The following LAMA2 variants were observed in gnomAD, a reference collection of about 807,000 sequenced individuals.
The protein encoded by LAMA2 is laminin subunit alpha-2.
LAMA2 carries 269 observed loss-of-function variants against 364.8 expected under a neutral mutation model. The observed-to-expected ratio is 0.74, with a 90% confidence interval of 0.67 to 0.82. The LOEUF (loss-of-function observed/expected upper bound fraction) is 0.82, where lower values mean the gene tolerates loss of function less well. Among genes scored for constraint, LAMA2 ranks in the 40% least tolerant of loss-of-function variants. The probability of loss-of-function intolerance (pLI) is 0.00; values close to 1 mark genes in which losing one functional copy is unlikely to be tolerated. For synonymous variants in LAMA2, 1,379 were observed against 1,370.6 expected (o/e 1.01, Z -0.14); for missense variants, 3,807 against 3,873.2 (o/e 0.98, Z 0.45).
chr6:128,903,039 A>G (rs899544741), intron 1 of LAMA2, among the ~76,000 whole-genome samples: 1 of 152,116 alleles, frequency 6.6e-6, no homozygotes, highest in Non-Finnish European at 1.5e-5. Context: ...TTGTTCTTCT[A>G]TAATAGATTT....
At position 129,503,094 on chromosome 6, in the gene LAMA2, C is replaced by T. The variant is rs770540082; in HGVS notation, c.8361C>T (p.Leu2787=). 1.9e-6 allele frequency: 3 copies of T among 1,613,830 alleles called. No homozygotes were observed. Among genetic ancestry groups the T allele is most frequent in the South Asian group, 2.2e-5 (2 of 91,084 alleles). ...AFDDTKVKNR[L]TIELEVRTEA... is the part of the protein sequence containing the mutation. ...TTTGCATGCTTTTGTTTCACAGTCT[C>T]ACAATTGAGTTGGAAGTAAGAACCG... is the stretch of plus-strand genomic sequence containing the variant. Residue 2787 remains leucine (L), a synonymous_variant, in exon 60 of 65, where the codon CTC becomes CTT. Coordinates refer to ENST00000421865, the MANE Select transcript of LAMA2 (RefSeq NM_000426.4).
rs553501389 is a variant in LAMA2, at chr6:129,013,160, G to C, written c.113-36758G>C. On this transcript the variant is annotated intron_variant, in intron 1 of 64. Coordinates refer to ENST00000421865, the MANE Select transcript of LAMA2 (RefSeq NM_000426.4). ...TATTTAAAAATTTTGAATAGGCTGG[G>C]TGTGGTGGCTCACGCCTGTAATCCC... is the stretch of plus-strand genomic sequence containing the variant. Among the ~76,000 whole-genome samples the C allele has an allele frequency of 3.7e-4, 57 of 152,358 alleles. No homozygotes were observed. The East Asian group carries it at 0.011, about 29-fold the overall frequency.
chr6:129,197,644 A>G (rs1781930560), intron 12 of LAMA2, among the ~76,000 whole-genome samples: 1 of 152,262 alleles, frequency 6.6e-6, no homozygotes, highest in Non-Finnish European at 1.5e-5. Context: ...AGGCTGTGTC[A>G]CAGGCCATGG....
At chr6:129,453,414 A>G (rs1345829273) in intron 46 of LAMA2, among the ~76,000 whole-genome samples, 1 of 152,188 alleles carries the variant, frequency 6.6e-6, no homozygotes, top group Non-Finnish European at 1.5e-5. Context: ...GTGATTTAAG[A>G]ATGCTAATGA....
chr6:129,186,625 T>C (rs1781243976), intron 10 of LAMA2, among the ~76,000 whole-genome samples: 1 of 151,772 alleles, frequency 6.6e-6, no homozygotes, highest in Admixed American at 6.6e-5. Context: ...ATACATCTTT[T>C]TTGCTCAACT....
chr6:129,512,415 AACT>A lies in LAMA2; in HGVS notation c.8913_8915del (p.Thr2974del). 1 of 1,613,608 alleles carries A rather than the reference AACT, an allele frequency of 6.2e-7. No individual in the cohort carries two copies. Among genetic ancestry groups the A allele is most frequent in the African/African-American group, 1.3e-5 (1 of 75,054 alleles). On this transcript the variant is annotated inframe_deletion, in exon 63 of 65. Transcript: ENST00000421865. ...TTCTTGTAGAATTTGAATTCCGCAC[AACT>A]ACAACGACTGGAGTTCTTCTGGGGA...
intron 34 of LAMA2, among the ~76,000 whole-genome samples, chr6:129,374,312 TA>T (rs1163546777): frequency 1.3e-5 from 2 of 152,052 alleles, no homozygotes; most frequent in African/African-American, 4.8e-5. Flanking sequence ...GTGACCAGGG[TA>T]TGAGAAATGC....
intron 8 of LAMA2, chr6:129,158,982 C>G: frequency 6.3e-7 from 1 of 1,589,548 alleles, no homozygotes. Context: ...AAGGTTACTC[C>G]ATTTTCTGAC....
chr6:129,443,194 A>T (rs530878477), intron 44 of LAMA2, 126 bp downstream of exon 44: 5 of 650,164 alleles, frequency 7.7e-6, no homozygotes, highest in Admixed American at 5.5e-5. Context: ...TATTCTTTCC[A>T]CTGTTACAGT....
At chr6:129,492,128 C>T (rs1425656320) in intron 57 of LAMA2, 51 bp downstream of exon 57, 1 of 1,536,052 alleles carries the variant, frequency 6.5e-7, no homozygotes, top group Non-Finnish European at 9.0e-7. Flanking sequence ...TTATTTCTTG[C>T]TATTAGGGGT....
chr6:129,212,875 G>T (rs1001389018), intron 12 of LAMA2, among the ~76,000 whole-genome samples: 9 of 152,134 alleles, frequency 5.9e-5, no homozygotes, highest in Non-Finnish European at 1.2e-4. Flanking sequence ...AATATTCTCT[G>T]CAAGAGAAGC....
At position 128,900,376 on chromosome 6, in the gene LAMA2, T is replaced by C. The variant is rs149690205; in HGVS notation, c.112+17019T>C. On this transcript the variant is annotated intron_variant, in intron 1 of 64. Coordinates refer to ENST00000421865, the MANE Select transcript of LAMA2 (RefSeq NM_000426.4). ...GCCCAGGTCTGTTTTGTTACTACTG[T>C]ATCCTTACTGCATAGCACAGTGCCT... 3.1e-3 allele frequency among the ~76,000 whole-genome samples: 472 copies of C among 152,304 alleles called. 2 individuals are homozygous for C. Among genetic ancestry groups the C allele is most frequent in the Middle Eastern group, 6.8e-3 (2 of 294 alleles).
intron 1 of LAMA2, among the ~76,000 whole-genome samples, chr6:128,935,268 A>G (rs1432369815): frequency 8.7e-6 from 1 of 114,992 alleles, no homozygotes; most frequent in East Asian, 2.8e-4. Flanking sequence ...CCCTGTGTCC[A>G]TGTGTTCTCA....
At chr6:129,480,575 G>T (rs567082853) in intron 54 of LAMA2, among the ~76,000 whole-genome samples, 1 of 151,700 alleles carries the variant, frequency 6.6e-6, no homozygotes, top group Non-Finnish European at 1.5e-5. Context: ...ATGAATGAAT[G>T]AATTATAGAA....
At chr6:129,044,570 T>C (rs1340121399) in intron 1 of LAMA2, among the ~76,000 whole-genome samples, 10 of 151,296 alleles carry the variant, frequency 6.6e-5, no homozygotes, top group Admixed American at 2.6e-4. Context: ...TATATATATA[T>C]ACACTATAGA....
chr6:129,022,844 A>C lies in LAMA2; in HGVS notation c.113-27074A>C, dbSNP rs139797449. On this transcript the variant is annotated intron_variant, in intron 1 of 64. Coordinates refer to ENST00000421865, the MANE Select transcript of LAMA2 (RefSeq NM_000426.4). ...CTAATTTCAAAATACTATTATCCCCAAAAGTAATGGGAATTTTAAAAATTA... is the reference window on the plus strand; with the variant it reads ...CTAATTTCAAAATACTATTATCCCCCAAAGTAATGGGAATTTTAAAAATTA... 4.4e-3 allele frequency among the ~76,000 whole-genome samples: 675 copies of C among 152,288 alleles called. 2 individuals carry two copies. Among genetic ancestry groups the C allele is most frequent in the Middle Eastern group, 0.017 (5 of 294 alleles).
At chr6:129,179,913 AGT>A (rs1419414646) in intron 10 of LAMA2, among the ~76,000 whole-genome samples, 1 of 152,156 alleles carries the variant, frequency 6.6e-6, no homozygotes, top group Non-Finnish European at 1.5e-5. Context: ...TGCCACGATG[AGT>A]TATATCAAAA....
Position 129,328,348 on chromosome 6 carries a change from C to A in LAMA2, c.4247C>A (p.Thr1416Asn). The A allele has an allele frequency of 3.1e-6, 5 of 1,614,204 alleles. No homozygotes were observed. Among genetic ancestry groups the A allele is most frequent in the Non-Finnish European group, 4.2e-6 (5 of 1,180,032 alleles). The change falls in exon 29 of 65, where the codon ACC becomes AAC. Residue 1416 changes from threonine to asparagine, a missense_variant. Thr to Asn is a moderately conservative substitution (Grantham distance 65). Transcript: ENST00000421865. ...CGCACCCCTGGACCAACCCTGGGCA[C>A]CTGTGTTCCATGTCAATGTAATGGA... ...GGRTPGPTLG[T>N]CVPCQCNGHS...
chr6:129,226,862 A>T (rs1328481167), intron 12 of LAMA2, among the ~76,000 whole-genome samples: 1 of 152,102 alleles, frequency 6.6e-6, no homozygotes, highest in Non-Finnish European at 1.5e-5. Context: ...GTGTTTCCTG[A>T]ATTTGAATGT....
Sources: gnomAD v4.1 joint callset for allele counts (sites outside exome capture counted in the v4.1 genomes callset) on GRCh38, gnomAD v4.1.1 for gene constraint, MANE v1.5 for transcripts, NCBI Gene and HGNC (gene_info 2026-07-23, HGNC 2026-07-21) for gene names.